FAM135B: variants seen among roughly 807,000 people sequenced by gnomAD.
The protein encoded by FAM135B is protein FAM135B.
FAM135B carries 43 observed loss-of-function variants against 127.7 expected under a neutral mutation model. That is an observed-to-expected ratio of 0.34 (90% CI 0.26 to 0.43). FAM135B has a LOEUF of 0.43. Among genes scored for constraint, FAM135B ranks in the 20% least tolerant of loss-of-function variants. FAM135B has a pLI of 1.00. For missense variants in FAM135B, 1,558 were observed against 1,725.6 expected (o/e 0.90, Z 1.72); for synonymous variants, 670 against 665.1 (o/e 1.01, Z -0.11).
chr8:138,303,879 C>A (rs968795313), intron 3 of FAM135B, among the ~76,000 whole-genome samples: 7 of 152,186 alleles, frequency 4.6e-5, no homozygotes, highest in Middle Eastern at 3.2e-3. Flanking sequence ...TTATAGAGAG[C>A]TGAAGAGTGG....
chr8:138,404,738 CAA>C (rs1833357261), intron 1 of FAM135B, among the ~76,000 whole-genome samples: 1 of 152,164 alleles, frequency 6.6e-6, no homozygotes, highest in African/African-American at 2.4e-5. Context: ...TCTCATCCAT[CAA>C]AGTTTTATCA....
At chr8:138,154,225 C>CCTG (rs1818469961) in intron 12 of FAM135B, among the ~76,000 whole-genome samples, 1 of 151,934 alleles carries the variant, frequency 6.6e-6, no homozygotes, top group Non-Finnish European at 1.5e-5. Flanking sequence ...AGCTGAGGGT[C>CCTG]CTGACTGTTA....
At chr8:138,170,441 T>C (rs1820330084) in intron 11 of FAM135B, among the ~76,000 whole-genome samples, 1 of 152,072 alleles carries the variant, frequency 6.6e-6, no homozygotes, top group Admixed American at 6.5e-5. Context: ...AGGCTGGTCT[T>C]GAACTCCCGA....
intron 2 of FAM135B, among the ~76,000 whole-genome samples, chr8:138,331,338 A>C (rs1258656602): frequency 6.6e-6 from 1 of 152,188 alleles, no homozygotes; most frequent in Non-Finnish European, 1.5e-5. Context: ...ATAATGTGTA[A>C]ACCCCAAATA....
intron 1 of FAM135B, among the ~76,000 whole-genome samples, chr8:138,426,081 A>AAT (rs10640539): frequency 0.7 from 92,784 of 133,064 alleles, 33,665 homozygotes; most frequent in African/African-American, 0.84. Context: ...ACATATATAA[A>AAT]ATGTTTTATG....
chr8:138,419,303 A>T (rs1365680493), intron 1 of FAM135B, among the ~76,000 whole-genome samples: 2 of 152,186 alleles, frequency 1.3e-5, no homozygotes, highest in Non-Finnish European at 2.9e-5. Flanking sequence ...CAACAAGAAG[A>T]CTTAACTATA....
At chr8:138,441,628 G>A (rs2131547807) in intron 1 of FAM135B, 1 of 152,186 alleles carries the variant, frequency 6.6e-6, no homozygotes, top group Non-Finnish European at 1.5e-5. Context: ...TTTGTTTGCA[G>A]ATTTCACTCA....
intron 2 of FAM135B, among the ~76,000 whole-genome samples, chr8:138,353,891 C>T (rs954784770): frequency 6.6e-6 from 1 of 152,038 alleles, no homozygotes; most frequent in African/African-American, 2.4e-5. Flanking sequence ...CTCAGATATC[C>T]CATTGCCTTT....
At chr8:138,403,691 T>C (rs1338253931) in intron 1 of FAM135B, among the ~76,000 whole-genome samples, 2 of 152,102 alleles carry the variant, frequency 1.3e-5, no homozygotes, top group African/African-American at 4.8e-5. Context: ...CCCTGAAAAC[T>C]TGGTCCCTTT....
intron 7 of FAM135B, among the ~76,000 whole-genome samples, chr8:138,234,988 T>A (rs1203525901): frequency 1.3e-5 from 2 of 152,226 alleles, no homozygotes; most frequent in Admixed American, 6.5e-5. Flanking sequence ...AATTGTATTT[T>A]TGCACCTGTT....
intron 1 of FAM135B, among the ~76,000 whole-genome samples, chr8:138,368,913 GT>G (rs1448746441): frequency 1.3e-5 from 2 of 152,166 alleles, no homozygotes; most frequent in Non-Finnish European, 2.9e-5. Context: ...TATTCTTGGT[GT>G]TGCATAAAGT....
intron 2 of FAM135B, among the ~76,000 whole-genome samples, chr8:138,332,075 T>C (rs1345488818): frequency 6.6e-6 from 1 of 152,194 alleles, no homozygotes; most frequent in African/African-American, 2.4e-5. Context: ...CATTCTTGTT[T>C]GGTTTGGGTT....
intron 1 of FAM135B, among the ~76,000 whole-genome samples, chr8:138,410,486 T>C (rs2131402679): frequency 6.6e-6 from 1 of 152,304 alleles, no homozygotes; most frequent in South Asian, 2.1e-4. Flanking sequence ...CAACAGCCTG[T>C]GGGAACAGAA....
At chr8:138,485,800 C>A (rs1289841230) in intron 1 of FAM135B, among the ~76,000 whole-genome samples, 1 of 151,944 alleles carries the variant, frequency 6.6e-6, no homozygotes, top group Non-Finnish European at 1.5e-5. Flanking sequence ...GGAATCCAGG[C>A]AATCAAAGAA....
intron 7 of FAM135B, among the ~76,000 whole-genome samples, chr8:138,238,374 G>A (rs1820467802): frequency 1.3e-5 from 2 of 152,122 alleles, no homozygotes; most frequent in African/African-American, 4.8e-5. Flanking sequence ...GAGTCAAAGA[G>A]GGTAAATAAT....
intron 12 of FAM135B, among the ~76,000 whole-genome samples, chr8:138,164,953 A>G (rs1441841377): frequency 2.0e-5 from 3 of 152,208 alleles, no homozygotes; most frequent in African/African-American, 7.2e-5. Flanking sequence ...AATCTTAGAA[A>G]GATCTTCTGC....
At chr8:138,347,664 A>T (rs1587179265) in intron 2 of FAM135B, among the ~76,000 whole-genome samples, 1 of 152,110 alleles carries the variant, frequency 6.6e-6, no homozygotes, top group East Asian at 1.9e-4. Flanking sequence ...GTCACCTACC[A>T]TCATCACTCT....
At chr8:138,190,272 C>A (rs1309886770) in intron 9 of FAM135B, among the ~76,000 whole-genome samples, 1 of 152,186 alleles carries the variant, frequency 6.6e-6, no homozygotes, top group African/African-American at 2.4e-5. Flanking sequence ...ACTGAATGAA[C>A]CCCTCCTCTT....
At chr8:138,226,150 C>CGTGTGTGTGT (rs72185111) in intron 7 of FAM135B, among the ~76,000 whole-genome samples, 192 of 133,542 alleles carry the variant, frequency 1.4e-3, no homozygotes, top group African/African-American at 4.9e-3. Flanking sequence ...GGGGACCCAC[C>CGTGTGTGTGT]GTGTGTGTGT....
Sources: gnomAD v4.1 joint callset for allele counts (sites outside exome capture counted in the v4.1 genomes callset) on GRCh38, gnomAD v4.1.1 for gene constraint, MANE v1.5 for transcripts, NCBI Gene and HGNC (gene_info 2026-07-23, HGNC 2026-07-21) for gene names.